The following ESRRG variants were observed in gnomAD, a reference collection of about 807,000 sequenced individuals.
ESRRG encodes estrogen related receptor gamma.
A neutral mutation model predicts 44.0 loss-of-function variants in ESRRG; 13 were observed. The ratio of observed to expected loss-of-function variants is 0.30; its 90% CI spans 0.19 to 0.47. The LOEUF is 0.47. Among genes scored for constraint, ESRRG ranks in the 20% least tolerant of loss-of-function variants. The pLI is 1.00. For missense variants in ESRRG, 395 were observed against 580.6 expected, an observed-to-expected ratio of 0.68 and a Z score of 3.29; for synonymous variants, 215 against 214.6, an observed-to-expected ratio of 1.00 and a Z score of -0.02.
chr1:216,859,011 G>A (rs2096003914), intron 2 of ESRRG, among the ~76,000 whole-genome samples: 1 of 152,134 alleles, frequency 6.6e-6, no homozygotes, highest in Admixed American at 6.5e-5. Flanking sequence ...CATGTATAAT[G>A]TTTAGAAAAA....
intron 2 of ESRRG, among the ~76,000 whole-genome samples, chr1:216,928,230 G>T (rs191962097): frequency 6.6e-4 from 101 of 152,156 alleles, no homozygotes; most frequent in Admixed American, 5.6e-3. Flanking sequence ...CTTCACCATT[G>T]AATTTTTCCC....
intron 2 of ESRRG, among the ~76,000 whole-genome samples, chr1:216,858,052 T>C (rs1378193798): frequency 1.3e-5 from 2 of 151,946 alleles, no homozygotes; most frequent in Admixed American, 6.6e-5. Context: ...ATGAGAAAAA[T>C]AGCTCCTTTT....
chr1:216,853,755 G>T (rs923267450), intron 2 of ESRRG, among the ~76,000 whole-genome samples: 1 of 152,182 alleles, frequency 6.6e-6, no homozygotes, highest in Admixed American at 6.5e-5. Context: ...GAGTTGCTTT[G>T]AGTGCTGTTT....
chr1:217,081,376 A>C (rs995620944), intron 1 of ESRRG, among the ~76,000 whole-genome samples: 5 of 151,490 alleles, frequency 3.3e-5, no homozygotes, highest in African/African-American at 1.2e-4. Context: ...TACAGGCATG[A>C]GCCACCACGC....
intron 1 of ESRRG, among the ~76,000 whole-genome samples, chr1:217,021,085 G>C (rs151312005): frequency 7.4e-5 from 9 of 121,686 alleles, no homozygotes; most frequent in South Asian, 5.0e-4. Context: ...CATACACACA[G>C]AGAAAGATAC....
intron 1 of ESRRG, among the ~76,000 whole-genome samples, chr1:217,108,212 T>G (rs2092621201): frequency 6.6e-6 from 1 of 152,176 alleles, no homozygotes; most frequent in African/African-American, 2.4e-5. Flanking sequence ...AACTCCACCA[T>G]TATTTCCATT....
chr1:216,819,565 C>CT (rs1419644586), intron 2 of ESRRG, among the ~76,000 whole-genome samples: 7 of 151,916 alleles, frequency 4.6e-5, no homozygotes, highest in Admixed American at 6.6e-5. Context: ...AAGGCTGAGT[C>CT]TTTTTTTCCA....
intron 1 of ESRRG, among the ~76,000 whole-genome samples, chr1:217,136,253 C>A (rs1400370499): frequency 6.6e-6 from 1 of 152,180 alleles, no homozygotes; most frequent in Non-Finnish European, 1.5e-5. Context: ...AAAGGGAAAG[C>A]AACGCCAGGA....
chr1:216,875,547 T>C (rs1042704946), intron 2 of ESRRG, among the ~76,000 whole-genome samples: 1 of 152,174 alleles, frequency 6.6e-6, no homozygotes, highest in African/African-American at 2.4e-5. Flanking sequence ...TAAGGTTACA[T>C]TTGTGAGATC....
At chr1:216,791,456 T>G (rs2094317265) in intron 2 of ESRRG, among the ~76,000 whole-genome samples, 1 of 152,164 alleles carries the variant, frequency 6.6e-6, no homozygotes, top group Admixed American at 6.6e-5. Flanking sequence ...TCTGTTCTTA[T>G]AAATTACCCA....
At chr1:216,963,318 A>C (rs761885022) in intron 1 of ESRRG, among the ~76,000 whole-genome samples, 44 of 152,182 alleles carry the variant, frequency 2.9e-4, no homozygotes, top group Non-Finnish European at 3.4e-4. Context: ...CTGAGGTTAT[A>C]AACCACCACT....
intron 2 of ESRRG, among the ~76,000 whole-genome samples, chr1:216,820,406 G>A (rs192220493): frequency 1.0e-3 from 158 of 152,298 alleles, no homozygotes; most frequent in Non-Finnish European, 1.9e-3. Flanking sequence ...GTAAATTGTA[G>A]GAAAAATCAA....
At chr1:216,967,644 G>C (rs2070743012) in intron 1 of ESRRG, among the ~76,000 whole-genome samples, 1 of 152,162 alleles carries the variant, frequency 6.6e-6, no homozygotes, top group African/African-American at 2.4e-5. Context: ...ACTATTGAAA[G>C]ACAATTTGGT....
At chr1:217,125,300 G>T (rs1209132689) in intron 1 of ESRRG, among the ~76,000 whole-genome samples, 1 of 152,186 alleles carries the variant, frequency 6.6e-6, no homozygotes, top group Non-Finnish European at 1.5e-5. Context: ...CTGTACGAAG[G>T]ATGCTGTGAT....
chr1:216,705,334 T>A (rs1034503199), intron 1 of ESRRG, among the ~76,000 whole-genome samples: 3 of 149,694 alleles, frequency 2.0e-5, no homozygotes, highest in East Asian at 3.9e-4. Flanking sequence ...TATTTTCTAT[T>A]TTTTTATATC....
At chr1:216,536,555 T>G (rs756593599) in intron 5 of ESRRG, among the ~76,000 whole-genome samples, 11 of 152,118 alleles carry the variant, frequency 7.2e-5, no homozygotes, top group African/African-American at 2.7e-4. Flanking sequence ...CAAGTCTCTT[T>G]TCTTCTAGAT....
chr1:216,887,487 T>C (rs956642508), intron 2 of ESRRG, among the ~76,000 whole-genome samples: 8 of 152,318 alleles, frequency 5.3e-5, no homozygotes, highest in African/African-American at 1.9e-4. Flanking sequence ...TTAAACATGC[T>C]GTCGCTTTTA....
intron 2 of ESRRG, among the ~76,000 whole-genome samples, chr1:216,745,751 T>C (rs2091324666): frequency 6.6e-6 from 1 of 152,148 alleles, no homozygotes; most frequent in Non-Finnish European, 1.5e-5. Flanking sequence ...CTGTATTCAG[T>C]TTACTCATCT....
intron 2 of ESRRG, among the ~76,000 whole-genome samples, chr1:216,779,756 G>C (rs2093854258): frequency 6.7e-6 from 1 of 150,182 alleles, no homozygotes; most frequent in Non-Finnish European, 1.5e-5. Flanking sequence ...GATCACAAAA[G>C]GGAAGGTGTG....
Sources: gnomAD v4.1 joint callset for allele counts (sites outside exome capture counted in the v4.1 genomes callset) on GRCh38, gnomAD v4.1.1 for gene constraint, MANE v1.5 for transcripts, NCBI Gene and HGNC (gene_info 2026-07-23, HGNC 2026-07-21) for gene names.